TPO: variants seen among roughly 807,000 people sequenced by gnomAD.
TPO encodes the protein thyroid microsomal antigen.
In TPO, 78 loss-of-function variants were observed where a neutral mutation model predicts 96.9. The observed-to-expected ratio is 0.81, with a 90% CI of 0.67 to 0.97. TPO has a LOEUF of 0.97. TPO is among the 50% of genes least tolerant of loss of function. The pLI, the probability that TPO is intolerant of heterozygous loss-of-function variation, is 0.00. For synonymous variants in TPO, 547 were observed against 538.0 expected (o/e 1.02, Z -0.23); for missense variants, 1,252 against 1,274.8 (o/e 0.98, Z 0.27).
chr2:1,497,110 G>A (rs1371500431), intron 13 of TPO, among the ~76,000 whole-genome samples: 1 of 152,200 alleles, frequency 6.6e-6, no homozygotes, highest in African/African-American at 2.4e-5. Context: ...CTCCACTCCA[G>A]GAACCCATAG....
Position 1,542,754 on chromosome 2 carries a change from A to T in TPO, c.*280A>T. On this transcript the variant is annotated 3_prime_UTR_variant, in exon 17 of 17. Coordinates refer to ENST00000329066, the MANE Select transcript of TPO (RefSeq NM_001206744.2). ...ACATCTTTATTTTGTGAACCCTGGA[A>T]ACACCACTCTTGCAATCCTCCTGTC... 3.1e-5 allele frequency: 27 copies of T among 867,530 alleles called. No individual in the cohort carries two copies. Among genetic ancestry groups the T allele is most frequent in the Admixed American group, 1.6e-4 (6 of 37,100 alleles). The allele number at this position is 867,530 out of a possible 1,614,324, so 53.7% of individuals were successfully genotyped here. A position where few individuals can be genotyped will look rare whatever the true frequency, so the allele number is the denominator to read the frequency against.
At chr2:1,481,574 G>A (rs553968356) in intron 8 of TPO, among the ~76,000 whole-genome samples, 67 of 152,262 alleles carry the variant, frequency 4.4e-4, no homozygotes, top group South Asian at 6.2e-4. Flanking sequence ...TCCCCATCCC[G>A]GGCAGGCAGA....
chr2:1,541,047 ACCCTGACTT>A, intron 16 of TPO: 12 of 1,291,534 alleles, frequency 9.3e-6, no homozygotes, highest in Non-Finnish European at 1.0e-5. Context: ...CTGAAGCAAA[ACCCTGACTT>A]TTAAATTCTG....
intron 5 of TPO, among the ~76,000 whole-genome samples, chr2:1,447,538 T>C (rs567363992): frequency 6.6e-6 from 1 of 152,204 alleles, no homozygotes; most frequent in Non-Finnish European, 1.5e-5. Context: ...GGCTGAATCA[T>C]TGGCCATTGG....
At chr2:1,486,378 A>T (rs1464320508) in intron 9 of TPO, among the ~76,000 whole-genome samples, 1 of 151,894 alleles carries the variant, frequency 6.6e-6, no homozygotes, top group Non-Finnish European at 1.5e-5. Flanking sequence ...AAAATAAACA[A>T]ACAAAAAACA....
rs1440493172 is a variant in TPO, at chr2:1,423,132, G to A, written c.179+3G>A. 7 of 1,613,292 alleles carry A rather than the reference G, an allele frequency of 4.3e-6. No homozygotes were observed. Among genetic ancestry groups the A allele is most frequent in the Non-Finnish European group, 5.1e-6 (6 of 1,180,012 alleles). On this transcript the variant is annotated splice_donor_region_variant and intron_variant, in intron 3 of 16. Coordinates refer to ENST00000329066, the MANE Select transcript of TPO (RefSeq NM_001206744.2). ...GCCATGTACGCCACGATGCAGAGGT[G>A]AGCCTTGCGGAGGGGCCGCCGCCCC... is the stretch of plus-strand genomic sequence containing the variant.
At chr2:1,516,830 G>C (rs1674762076) in intron 14 of TPO, 53 bp from the exon 15 acceptor site, 7 of 1,569,708 alleles carry the variant, frequency 4.5e-6, no homozygotes, top group Non-Finnish European at 6.1e-6. Flanking sequence ...GGACAACCTG[G>C]CTTGCCCAGG....
At chr2:1,495,099 G>A (rs1373365839) in intron 11 of TPO, among the ~76,000 whole-genome samples, 1 of 152,244 alleles carries the variant, frequency 6.6e-6, no homozygotes, top group Non-Finnish European at 1.5e-5. Context: ...ACCTGTGGCT[G>A]AAGCGCCATC....
chr2:1,500,240 C>T (rs1327556123), intron 13 of TPO, among the ~76,000 whole-genome samples: 1 of 152,302 alleles, frequency 6.6e-6, no homozygotes, highest in East Asian at 1.9e-4. Context: ...TACTGGAGAC[C>T]TCGGCAGCCT....
At chr2:1,416,000 C>T (rs1662924424) in intron 2 of TPO, among the ~76,000 whole-genome samples, 1 of 152,142 alleles carries the variant, frequency 6.6e-6, no homozygotes, top group African/African-American at 2.4e-5. Flanking sequence ...AGCCGTGGGG[C>T]CTCTCCCTGC....
intron 12 of TPO, among the ~76,000 whole-genome samples, 183 bp from the exon 13 acceptor site, chr2:1,496,412 G>T (rs920738171): frequency 2.0e-5 from 3 of 152,188 alleles, no homozygotes; most frequent in Non-Finnish European, 2.9e-5. Context: ...AAGGGAGCCC[G>T]CGGGGCCCGA....
intron 7 of TPO, among the ~76,000 whole-genome samples, chr2:1,474,256 T>C (rs1056853742): frequency 6.6e-6 from 1 of 152,260 alleles, no homozygotes; most frequent in African/African-American, 2.4e-5. Context: ...TTTTCTTCTT[T>C]AATTTGCTGA....
chr2:1,390,735 G>A (rs1661986983), intron 1 of TPO, among the ~76,000 whole-genome samples: 1 of 152,206 alleles, frequency 6.6e-6, no homozygotes, highest in Non-Finnish European at 1.5e-5. Flanking sequence ...ACTGGCATGA[G>A]ATGGTATTTC....
chr2:1,506,630 G>C (rs1271525187), intron 14 of TPO, among the ~76,000 whole-genome samples: 1 of 152,166 alleles, frequency 6.6e-6, no homozygotes, highest in Non-Finnish European at 1.5e-5. Flanking sequence ...TTCTCTGATG[G>C]CCAGTGATGG....
At chr2:1,531,135 ACCCCCCACTGTGTGCAACCTCCCCAAATC>A (rs1678085833) in intron 15 of TPO, among the ~76,000 whole-genome samples, 2 of 8,112 alleles carry the variant, frequency 2.5e-4, no homozygotes, top group African/African-American at 1.0e-3. Flanking sequence ...CCTCCCCAAA[ACCCCCCACTGTGTGCAACCTCCCCAAATC>A]CCCCCCACTG....
At chr2:1,378,097 C>T (rs1373830267) in intron 1 of TPO, among the ~76,000 whole-genome samples, 4 of 152,206 alleles carry the variant, frequency 2.6e-5, no homozygotes, top group East Asian at 3.9e-4. Flanking sequence ...ATTTAAGACA[C>T]GGCTTTCACC....
intron 14 of TPO, among the ~76,000 whole-genome samples, chr2:1,515,095 G>A (rs922289879): frequency 2.6e-5 from 4 of 152,128 alleles, no homozygotes; most frequent in Non-Finnish European, 5.9e-5. Flanking sequence ...GAATTTCCAC[G>A]GCTGCCCTGT....
At chr2:1,429,574 A>G (rs143418983) in intron 3 of TPO, among the ~76,000 whole-genome samples, 2 of 152,314 alleles carry the variant, frequency 1.3e-5, no homozygotes, top group African/African-American at 4.8e-5. Flanking sequence ...AGAACTTCCT[A>G]GAGACTTGCC....
chr2:1,415,125 G>T (rs1662773969), intron 2 of TPO, among the ~76,000 whole-genome samples: 1 of 147,780 alleles, frequency 6.8e-6, no homozygotes, highest in Non-Finnish European at 1.5e-5. Flanking sequence ...CGCCGGGCAG[G>T]TCCCTGGGCC....
Sources: allele counts gnomAD v4.1 joint callset (sites outside exome capture counted in the v4.1 genomes callset), GRCh38; gene constraint gnomAD v4.1.1; transcripts MANE v1.5; gene names NCBI Gene and HGNC (gene_info 2026-07-23, HGNC 2026-07-21).